KIF5C: variants seen among roughly 807,000 people sequenced by gnomAD.
KIF5C encodes the protein kinesin family member 5C, also known as kinesin heavy chain isoform 5C.
Under a neutral mutation model 125.2 loss-of-function variants are expected in KIF5C, and 18 were observed. The observed-to-expected ratio is 0.14, with a 90% CI of 0.10 to 0.21. The LOEUF is 0.21. Among genes scored for constraint, KIF5C ranks in the 10% least tolerant of loss-of-function variants. KIF5C has a pLI of 1.00. For synonymous variants in KIF5C, 405 were observed against 434.0 expected (o/e 0.93, Z 0.83); for missense variants, 780 against 1,183.8 (o/e 0.66, Z 5.01).
At chr2:148,906,430 A>G (rs899986815) in intron 1 of KIF5C, among the ~76,000 whole-genome samples, 1 of 152,070 alleles carries the variant, frequency 6.6e-6, no homozygotes, top group Non-Finnish European at 1.5e-5. Flanking sequence ...TCAGGGCCTG[A>G]CAGTGCTAGA....
intron 4 of KIF5C, among the ~76,000 whole-genome samples, chr2:148,939,117 G>A (rs1290403388): frequency 2.0e-5 from 3 of 146,786 alleles, no homozygotes; most frequent in African/African-American, 7.5e-5. Flanking sequence ...AAAAAAAGAC[G>A]CAGAGTTACA....
intron 23 of KIF5C, among the ~76,000 whole-genome samples, 176 bp downstream of exon 23, chr2:149,008,243 T>A (rs543329254): frequency 1.3e-5 from 2 of 152,346 alleles, no homozygotes; most frequent in South Asian, 4.1e-4. Context: ...TCTCAGTGAC[T>A]TCCCGTATAT....
intron 22 of KIF5C, among the ~76,000 whole-genome samples, chr2:149,005,689 T>G (rs975321264): frequency 6.6e-6 from 1 of 152,220 alleles, no homozygotes; most frequent in African/African-American, 2.4e-5. Flanking sequence ...TCAGAATACT[T>G]TCTCTGGCCT....
chr2:148,991,226 A>C (rs769155257), intron 16 of KIF5C, 28 bp downstream of exon 16: 2 of 1,605,466 alleles, frequency 1.2e-6, no homozygotes, highest in South Asian at 2.2e-5. Context: ...CCATCATTGC[A>C]CTCTTGTTGT....
chr2:148,998,152 C>T lies in KIF5C; in HGVS notation c.2101-248C>T, dbSNP rs1397451169. ...GCTGGGCTGTAAAAGGTCAAGGGAA[C>T]ACTTTTTATTTAGTTGGTGGGCTAA... On this transcript the variant is annotated intron_variant, in intron 18 of 25. Transcript: ENST00000435030. 2.0e-5 allele frequency: 11 copies of T among 553,218 alleles called. No homozygotes were observed. In the Admixed American group the frequency reaches 3.2e-4, roughly 16 times the overall value. 34.3% of individuals were successfully genotyped at this position (553,218 alleles called of 1,614,324 possible).
rs137986198 is a variant in KIF5C at position 148,931,658 on chromosome 2, G to A, written c.291+2304G>A. Among the ~76,000 whole-genome samples, 1,409 of 151,984 alleles carry A rather than the reference G, an allele frequency of 9.3e-3. 19 individuals carry two copies. The highest frequency in any genetic ancestry group is 0.032 in the African/African-American group (1,332 of 41,472). On this transcript the variant is annotated intron_variant, in intron 3 of 25. Coordinates refer to ENST00000435030, the MANE Select transcript of KIF5C (RefSeq NM_004522.3). ...AGCCTGGGTGACAGAACAAGACTCC[G>A]TCTCAAAAAAAATAGTAATAATAAA...
At chr2:148,902,463 C>T (rs1680943747) in intron 1 of KIF5C, among the ~76,000 whole-genome samples, 1 of 152,158 alleles carries the variant, frequency 6.6e-6, no homozygotes, top group African/African-American at 2.4e-5. Context: ...ATTACAGGCA[C>T]ACGCCACCAC....
At chr2:148,886,011 G>T (rs1681512218) in intron 1 of KIF5C, 1 of 152,166 alleles carries the variant, frequency 6.6e-6, no homozygotes, top group Admixed American at 6.5e-5. Flanking sequence ...TGAACAACCT[G>T]TCTGGCACCT....
At chr2:148,909,615 A>C (rs571950431) in intron 1 of KIF5C, among the ~76,000 whole-genome samples, 5 of 152,218 alleles carry the variant, frequency 3.3e-5, no homozygotes, top group Non-Finnish European at 7.3e-5. Context: ...AAAGATGTTT[A>C]GTTGTGTGGG....
At chr2:149,006,958 G>A (rs1453014819) in intron 22 of KIF5C, among the ~76,000 whole-genome samples, 1 of 152,196 alleles carries the variant, frequency 6.6e-6, no homozygotes, top group African/African-American at 2.4e-5. Context: ...CAGACTTCCA[G>A]ATTTCATGAT....
intron 10 of KIF5C, among the ~76,000 whole-genome samples, chr2:148,954,114 C>T (rs1038699367): frequency 1.4e-4 from 20 of 144,890 alleles, no homozygotes; most frequent in Admixed American, 2.9e-4. Context: ...TGAGAACATG[C>T]GGTGTTTGGT....
intron 11 of KIF5C, 129 bp from the exon 12 acceptor site, chr2:148,973,207 C>T: frequency 7.6e-7 from 1 of 1,308,010 alleles, no homozygotes; most frequent in Non-Finnish European, 1.0e-6. Flanking sequence ...ACAAACTCTA[C>T]CCACACTACA....
intron 4 of KIF5C, among the ~76,000 whole-genome samples, chr2:148,937,673 G>A (rs939428945): frequency 6.6e-6 from 1 of 152,190 alleles, no homozygotes; most frequent in African/African-American, 2.4e-5. Context: ...TGACTGAAAT[G>A]TGTTTGTGTT....
intron 25 of KIF5C, among the ~76,000 whole-genome samples, chr2:149,021,073 G>A (rs1409436171): frequency 6.6e-6 from 1 of 151,954 alleles, no homozygotes; most frequent in Non-Finnish European, 1.5e-5. Context: ...TTTTGTTTTT[G>A]TTTTTTTGAG....
intron 2 of KIF5C, 46 bp downstream of exon 2, chr2:148,922,273 G>T: frequency 2.3e-6 from 3 of 1,308,676 alleles, no homozygotes; most frequent in Non-Finnish European, 3.3e-6. Flanking sequence ...CAGAGTAATT[G>T]AAAGCATTAA....
intron 11 of KIF5C, among the ~76,000 whole-genome samples, chr2:148,972,592 G>T (rs1680946746): frequency 6.6e-6 from 1 of 152,120 alleles, no homozygotes; most frequent in South Asian, 2.1e-4. Context: ...TCCTTTGAAG[G>T]CCCCAACAAA....
Position 148,875,692 on chromosome 2 carries a change from C to G in KIF5C, c.75C>G (p.Arg25=). The G allele has an allele frequency of 6.3e-7, 1 of 1,594,384 alleles. No individual in the cohort carries two copies. The highest frequency in any genetic ancestry group is 8.5e-7 in the Non-Finnish European group (1 of 1,170,808). Residue 25 remains arginine, a synonymous_variant, in exon 1 of 26, where the codon CGC becomes CGG. Coordinates refer to ENST00000435030, the MANE Select transcript of KIF5C (RefSeq NM_004522.3). ...FRPLNEAEIL[R]GDKFIPKFKG... is the part of the protein sequence containing the mutation. Reference sequence around the variant, plus strand: ...CCCTCAACGAAGCGGAGATCCTCCGCGGGGACAAATTCATCCCCAAATTTA... The same window carrying G: ...CCCTCAACGAAGCGGAGATCCTCCGGGGGGACAAATTCATCCCCAAATTTA...
chr2:148,938,565 TC>T (rs1179132716), intron 4 of KIF5C, among the ~76,000 whole-genome samples: 3 of 152,124 alleles, frequency 2.0e-5, no homozygotes, highest in African/African-American at 7.2e-5. Flanking sequence ...AACTCTAAAT[TC>T]CCTTGGGCAG....
At chr2:149,003,266 C>G (rs73011339) in intron 21 of KIF5C, among the ~76,000 whole-genome samples, 1 of 152,222 alleles carries the variant, frequency 6.6e-6, no homozygotes, top group East Asian at 1.9e-4. Flanking sequence ...GCGCAGGGCC[C>G]GTTCTGCCTC....
Sources: allele counts gnomAD v4.1 joint callset (sites outside exome capture counted in the v4.1 genomes callset), GRCh38; gene constraint gnomAD v4.1.1; transcripts MANE v1.5; gene names NCBI Gene and HGNC (gene_info 2026-07-23, HGNC 2026-07-21).